The following NDRG2 variants were observed in gnomAD, a reference collection of about 807,000 sequenced individuals.
NDRG2 encodes protein NDRG2.
In NDRG2, 34 loss-of-function variants were observed where a neutral mutation model predicts 58.2. The ratio of observed to expected loss-of-function variants is 0.58; its 90% CI spans 0.44 to 0.78. The LOEUF (loss-of-function observed/expected upper bound fraction) is 0.78. NDRG2 is among the 30% of genes least tolerant of loss of function. The pLI is 0.00. For missense variants in NDRG2, 434 were observed against 471.2 expected, an observed-to-expected ratio of 0.92 and a Z score of 0.73; for synonymous variants, 187 against 175.9, an observed-to-expected ratio of 1.06 and a Z score of -0.50.
At chr14:21,027,302 C>T (rs1473867881), upstream of NDRG2, among the ~76,000 whole-genome samples, 1 of 152,216 alleles carries the variant, frequency 6.6e-6, no homozygotes, top group African/African-American at 2.4e-5. Context: ...GCCAGAGCAG[C>T]TTCACACTAT....
chr14:21,020,681 C>T lies in NDRG2; in HGVS notation c.469-99G>A. The T allele has an allele frequency of 3.2e-6, 5 of 1,575,476 alleles. No homozygotes were observed. In the South Asian group the frequency reaches 3.3e-5, roughly 10 times the overall value. ...TCCTGGACTCCCACAGGGCCTGACT[C>T]CCCACCTAGTGCCCACTTCCTCCCC... On this transcript the variant is annotated intron_variant, in intron 7 of 15. Transcript: ENST00000556147.
chr14:21,058,470 C>A, intron 1 of NDRG2: 2 of 728,942 alleles, frequency 2.7e-6, no homozygotes, highest in Non-Finnish European at 4.5e-6. Context: ...TTCCCTCCCA[C>A]ACACTCAACC....
At chr14:21,033,417 T>C in intron 1 of NDRG2, 2 of 281,502 alleles carry the variant, frequency 7.1e-6, no homozygotes, top group South Asian at 8.0e-5. Context: ...ATGAGAAGGC[T>C]GGTGGGGATG....
intron 6 of NDRG2, 44 bp from the exon 7 acceptor site, chr14:21,020,888 C>G (rs771626421): frequency 6.3e-7 from 1 of 1,595,786 alleles, no homozygotes; most frequent in South Asian, 1.1e-5. Flanking sequence ...ATCTGCTGTC[C>G]AAAACCTGCC....
intron 1 of NDRG2, among the ~76,000 whole-genome samples, chr14:21,066,535 C>T (rs1263193132): frequency 6.6e-6 from 1 of 152,130 alleles, no homozygotes; most frequent in Non-Finnish European, 1.5e-5. Context: ...GGGGTTTCCC[C>T]ATGTTGGCCA....
At chr14:21,056,679 A>G (rs980408548) in intron 1 of NDRG2, among the ~76,000 whole-genome samples, 2 of 152,234 alleles carry the variant, frequency 1.3e-5, no homozygotes, top group East Asian at 3.8e-4. Context: ...CTCTGCTCCT[A>G]TGGGAAACTC....
chr14:21,068,242 G>A lies in NDRG2; in HGVS notation c.24+2586C>T, dbSNP rs867765387. 1.6e-4 allele frequency among the ~76,000 whole-genome samples: 2 copies of A among 12,276 alleles called. 1 individual carries two copies. Among genetic ancestry groups the A allele is most frequent in the African/African-American group, 2.3e-4 (2 of 8,546 alleles). 8.1% of individuals were successfully genotyped at this position (12,276 alleles called of 152,430 possible). A position where few individuals can be genotyped will look rare whatever the true frequency, so the allele number is the denominator to read the frequency against. On this transcript the variant is annotated intron_variant, in intron 1 of 14. Coordinates refer to the NDRG2 transcript ENST00000403829. ...TCTCGATCTCCTGACCTCGTGATCC[G>A]CCCGCCTCGGCCTCCCAAAGTGCTG...
rs985399667 is a variant in NDRG2, at chr14:21,024,415, C to G, written c.-392G>C. On this transcript the variant is annotated 5_prime_UTR_variant, in exon 1 of 16. Coordinates refer to ENST00000556147, the MANE Select transcript of NDRG2 (RefSeq NM_001320329.2). The stretch of plus-strand genomic sequence containing the variant: ...CTGCCACTCCCAGTGTGACCTTGCC[C>G]CAGTTAGTTACTACATTTGGCCTCA... The G allele has an allele frequency of 3.3e-6, 3 of 907,288 alleles. No individual in the cohort carries two copies. Among genetic ancestry groups the G allele is most frequent in the Non-Finnish European group, 4.0e-6 (3 of 758,874 alleles). 56.2% of individuals were successfully genotyped at this position (907,288 alleles called of 1,614,324 possible).
chr14:21,041,819 C>T (rs1034365181), intron 1 of NDRG2, among the ~76,000 whole-genome samples: 5 of 152,192 alleles, frequency 3.3e-5, no homozygotes, highest in African/African-American at 4.8e-5. Context: ...GGAATGGCTT[C>T]GCTATTGGGG....
At chr14:21,043,432 T>C in intron 1 of NDRG2, 1 of 1,607,056 alleles carries the variant, frequency 6.2e-7, no homozygotes, top group Non-Finnish European at 8.5e-7. Context: ...CAATTCCACC[T>C]GGTTCCTGTA....
At chr14:21,020,688 TAG>T in intron 7 of NDRG2, 94 bp downstream of exon 7, 2 of 1,582,066 alleles carry the variant, frequency 1.3e-6, no homozygotes, top group Non-Finnish European at 1.7e-6. Context: ...ACTCCCCACC[TAG>T]TGCCCACTTC....
chr14:21,070,368 A>T lies in NDRG2; in HGVS notation c.24+460T>A. On this transcript the variant is annotated intron_variant, in intron 1 of 14. Transcript: ENST00000403829. This position sits in a 1 kb window ranked among gnomAD's most constrained non-coding sequence, Gnocchi z 4.7. Reference sequence around the variant, plus strand: ...CGCGCCCGGCCCCGCCCGCCCGACCAAGCGTCGGACGCGGCCCGGCGCCGA... The same window carrying T: ...CGCGCCCGGCCCCGCCCGCCCGACCTAGCGTCGGACGCGGCCCGGCGCCGA... 2 of 1,407,890 alleles carry T rather than the reference A, an allele frequency of 1.4e-6. No individual in the cohort carries two copies. Among genetic ancestry groups the T allele is most frequent in the Non-Finnish European group, 1.8e-6 (2 of 1,088,820 alleles). The allele number at this position is 1,407,890 out of a possible 1,614,324, so 87.2% of individuals were successfully genotyped here. A position where few individuals can be genotyped will look rare whatever the true frequency, so the allele number is the denominator to read the frequency against.
chr14:21,026,709 G>C (rs895011154), upstream of NDRG2, among the ~76,000 whole-genome samples: 4 of 152,056 alleles, frequency 2.6e-5, no homozygotes, highest in South Asian at 2.1e-4. Context: ...CCCCAATTTG[G>C]AGCACCCAAC....
At chr14:21,046,525 G>C (rs898364403) in intron 1 of NDRG2, among the ~76,000 whole-genome samples, 1 of 144,300 alleles carries the variant, frequency 6.9e-6, no homozygotes, top group African/African-American at 2.6e-5. Flanking sequence ...AACAGAATGA[G>C]AGCCTGTCTC....
Position 21,017,541 on chromosome 14 carries a change from G to C in NDRG2, c.*55C>G. 1 of 1,571,632 alleles carries C rather than the reference G, an allele frequency of 6.4e-7. No homozygotes were observed. Among genetic ancestry groups the C allele is most frequent in the African/African-American group, 1.3e-5 (1 of 74,440 alleles). On this transcript the variant is annotated 3_prime_UTR_variant, in exon 16 of 16. Coordinates refer to ENST00000556147, the MANE Select transcript of NDRG2 (RefSeq NM_001320329.2). ...CCCAATGCCCCTTCAGCACCTCCCA[G>C]GTTAGCTCTGGGGGAGGTGAGGGCT...
upstream of NDRG2, chr14:21,025,401 T>A (rs1883381099): frequency 3.1e-5 from 31 of 985,554 alleles, no homozygotes; most frequent in Non-Finnish European, 3.6e-5. The surrounding 1 kb of genome is among the most constrained non-coding windows in gnomAD (Gnocchi z 5.1). Flanking sequence ...GACCTGGATC[T>A]GCAATTGCAC....
intron 1 of NDRG2, among the ~76,000 whole-genome samples, chr14:21,065,058 C>T (rs1250946023): frequency 6.6e-6 from 1 of 151,976 alleles, no homozygotes; most frequent in Non-Finnish European, 1.5e-5. Flanking sequence ...GTAATCCCAG[C>T]TACTTGGGAG....
rs115111237 is a variant in NDRG2 at position 21,059,221 on chromosome 14, C to G, written c.24+11607G>C. Among the ~76,000 whole-genome samples the G allele has an allele frequency of 3.7e-3, 562 of 152,334 alleles. 4 individuals are homozygous for G. Among genetic ancestry groups the G allele is most frequent in the African/African-American group, 0.013 (539 of 41,566 alleles). ...CCTCAGCGTTCTGGAGTGAACTTCC[C>G]TCCTTGGGGAATTTCAGAATCAGGA... On this transcript the variant is annotated intron_variant, in intron 1 of 14. Transcript: ENST00000403829.
chr14:21,041,249 C>A (rs1271535004), intron 1 of NDRG2, among the ~76,000 whole-genome samples: 1 of 152,122 alleles, frequency 6.6e-6, no homozygotes, highest in African/African-American at 2.4e-5. Context: ...CCTGCCATGG[C>A]CTCCCAAAGT....
Sources: gnomAD v4.1 joint callset for allele counts (sites outside exome capture counted in the v4.1 genomes callset) on GRCh38, gnomAD v4.1.1 for gene constraint, Gnocchi (gnomAD v3.1) non-coding constraint, MANE v1.5 for transcripts, NCBI Gene and HGNC (gene_info 2026-07-23, HGNC 2026-07-21) for gene names.